RASAL2: variants seen among roughly 807,000 people sequenced by gnomAD.
RASAL2 encodes the protein ras GTPase-activating protein nGAP.
Under a neutral mutation model 128.9 loss-of-function variants are expected in RASAL2, and 58 were observed. That is an observed-to-expected ratio of 0.45 (90% CI 0.36 to 0.56). The LOEUF is 0.56. Ranked by LOEUF, RASAL2 falls within the 20% of genes least tolerant of loss-of-function variation. The pLI, the probability that RASAL2 is intolerant of heterozygous loss-of-function variation, is 0.00. For synonymous variants in RASAL2, 561 were observed against 580.8 expected (o/e 0.97, Z 0.49); for missense variants, 1,360 against 1,601.6 (o/e 0.85, Z 2.57).
intron 1 of RASAL2, among the ~76,000 whole-genome samples, chr1:178,130,361 A>G (rs1190571453): frequency 3.9e-5 from 6 of 152,228 alleles, no homozygotes; most frequent in Admixed American, 1.3e-4. Flanking sequence ...TTTTATGTTA[A>G]GTTGCCCTGA....
intron 15 of RASAL2, among the ~76,000 whole-genome samples, chr1:178,464,726 T>C (rs73037556): frequency 0.068 from 10,257 of 151,776 alleles, 1,122 homozygotes; most frequent in African/African-American, 0.23. Context: ...AAATATTTCA[T>C]GTTTCTGTGT....
At chr1:178,456,597 G>A (rs769357918) in intron 12 of RASAL2, 124 bp from the exon 13 acceptor site, 2 of 1,012,090 alleles carry the variant, frequency 2.0e-6, no homozygotes, top group Admixed American at 1.7e-5. Flanking sequence ...ACTCCCATAT[G>A]CAAACACTTA....
At chr1:178,110,620 A>G (rs982509745) in intron 1 of RASAL2, among the ~76,000 whole-genome samples, 2 of 125,372 alleles carry the variant, frequency 1.6e-5, no homozygotes, top group African/African-American at 6.1e-5. Flanking sequence ...CACTATATAC[A>G]CTATATATAG....
intron 4 of RASAL2, among the ~76,000 whole-genome samples, chr1:178,404,685 T>G (rs911403955): frequency 2.7e-4 from 4 of 14,910 alleles, no homozygotes; most frequent in African/African-American, 9.5e-4. Flanking sequence ...GGCCCCCCAA[T>G]TTTTTTTTTT....
intron 1 of RASAL2, among the ~76,000 whole-genome samples, chr1:178,256,524 C>T (rs1391545926): frequency 6.6e-6 from 1 of 152,132 alleles, no homozygotes; most frequent in African/African-American, 2.4e-5. Flanking sequence ...AAATAAAAAG[C>T]AACCAGATTG....
chr1:178,171,499 G>A (rs1458242172), intron 1 of RASAL2, among the ~76,000 whole-genome samples: 1 of 151,914 alleles, frequency 6.6e-6, no homozygotes, highest in Admixed American at 6.6e-5. Flanking sequence ...AGGGAAAAAA[G>A]GACTAACCAT....
At chr1:178,279,290 G>A (rs544862096) in intron 1 of RASAL2, among the ~76,000 whole-genome samples, 33 of 151,972 alleles carry the variant, frequency 2.2e-4, no homozygotes, top group African/African-American at 7.0e-4. Flanking sequence ...TCTCTTTTGT[G>A]TTATTCATCC....
At chr1:178,211,309 G>A (rs1663248144) in intron 1 of RASAL2, among the ~76,000 whole-genome samples, 1 of 152,006 alleles carries the variant, frequency 6.6e-6, no homozygotes, top group African/African-American at 2.4e-5. Context: ...ACTTCTGATT[G>A]TATCCTAGCT....
chr1:178,409,049 G>A (rs1452202317), intron 4 of RASAL2, among the ~76,000 whole-genome samples: 2 of 152,116 alleles, frequency 1.3e-5, no homozygotes, highest in Non-Finnish European at 2.9e-5. Context: ...CAGTTATAGC[G>A]GAAGGAGAAG....
chr1:178,122,839 T>A (rs1220739257), intron 1 of RASAL2, among the ~76,000 whole-genome samples: 1 of 106 alleles, frequency 9.4e-3, no homozygotes. Context: ...TTACTTTCCA[T>A]TTTTTTTTTT....
intron 1 of RASAL2, among the ~76,000 whole-genome samples, chr1:178,206,250 A>G (rs1255199603): frequency 6.6e-6 from 1 of 152,194 alleles, no homozygotes; most frequent in African/African-American, 2.4e-5. Context: ...CAAAGATCCC[A>G]TTTGAGAGAC....
chr1:178,213,224 T>C (rs1482797594), intron 1 of RASAL2, among the ~76,000 whole-genome samples: 1 of 152,130 alleles, frequency 6.6e-6, no homozygotes, highest in African/African-American at 2.4e-5. Flanking sequence ...TTTCGTTTGC[T>C]ATAGAAACGA....
intron 1 of RASAL2, among the ~76,000 whole-genome samples, chr1:178,162,416 TATA>T (rs1239907226): frequency 2.4e-4 from 29 of 120,314 alleles, no homozygotes; most frequent in Admixed American, 6.4e-4. Flanking sequence ...ATATATTATA[TATA>T]ATATTATATA....
intron 3 of RASAL2, among the ~76,000 whole-genome samples, chr1:178,358,263 A>G (rs942137567): frequency 4.0e-5 from 6 of 149,508 alleles, no homozygotes; most frequent in Non-Finnish European, 7.4e-5. Context: ...AAAAAAAAAA[A>G]AAAGGAAAGG....
intron 1 of RASAL2, among the ~76,000 whole-genome samples, chr1:178,264,627 T>C (rs1349193309): frequency 6.6e-6 from 1 of 152,144 alleles, no homozygotes; most frequent in Non-Finnish European, 1.5e-5. Flanking sequence ...TGAGGAAGTA[T>C]ATAGGGCAAG....
Position 178,464,281 on chromosome 1 carries a change from C to T in RASAL2, c.3256C>T (p.Gln1086Ter). ...CTAATAACTGTTTCTGATGCAGGTT[C>T]AGTCACCTGTGGACTCTGCCACAAT... is the stretch of plus-strand genomic sequence containing the variant. ...AIQRQQTQQVQSPVDSATMSP... is the reference protein window; with the variant it reads ...AIQRQQTQQV Residue 1086 changes from glutamine to a stop codon, truncating the protein, a stop_gained, in exon 15 of 18, where the codon CAG (glutamine) becomes TAG (stop). Coordinates refer to ENST00000367649, the MANE Select transcript of RASAL2 (RefSeq NM_170692.4). LOFTEE classifies it high-confidence loss of function. 6.2e-7 allele frequency: 1 copy of T among 1,607,236 alleles called. No individual in the cohort carries two copies. The highest frequency in any genetic ancestry group is 8.5e-7 in the Non-Finnish European group (1 of 1,176,548).
chr1:178,101,312 G>C (rs1357276610), intron 1 of RASAL2, among the ~76,000 whole-genome samples: 2 of 152,174 alleles, frequency 1.3e-5, no homozygotes, highest in African/African-American at 2.4e-5. Flanking sequence ...TGAGCTGTCT[G>C]AATTTTACCT....
intron 1 of RASAL2, among the ~76,000 whole-genome samples, chr1:178,207,411 G>A (rs903113288): frequency 2.2e-4 from 34 of 152,090 alleles, no homozygotes; most frequent in African/African-American, 7.7e-4. Flanking sequence ...AAGAACTATT[G>A]ATGTAACATT....
At chr1:178,373,885 C>T (rs978968334) in intron 3 of RASAL2, among the ~76,000 whole-genome samples, 1 of 151,998 alleles carries the variant, frequency 6.6e-6, no homozygotes, top group African/African-American at 2.4e-5. Flanking sequence ...AAGAAAAAAA[C>T]GCAAATTTCC....
Sources: allele counts gnomAD v4.1 joint callset (sites outside exome capture counted in the v4.1 genomes callset), GRCh38; gene constraint gnomAD v4.1.1; transcripts MANE v1.5; gene names NCBI Gene and HGNC (gene_info 2026-07-23, HGNC 2026-07-21).